Variants in STK32B observed in about 807,000 individuals in gnomAD.
The protein encoded by STK32B is serine/threonine kinase 32B.
Under a neutral mutation model 52.6 loss-of-function variants are expected in STK32B, and 43 were observed. That is an observed-to-expected ratio of 0.82 (90% CI 0.64 to 1.05). STK32B has a LOEUF of 1.05. Ranked by LOEUF, STK32B falls within the 50% of genes least tolerant of loss-of-function variation. The probability of loss-of-function intolerance (pLI) is 0.00; values close to 1 mark genes in which losing one functional copy is unlikely to be tolerated. For synonymous variants in STK32B, 238 were observed against 204.3 expected, an observed-to-expected ratio of 1.17 and a Z score of -1.41; for missense variants, 621 against 534.6, an observed-to-expected ratio of 1.16 and a Z score of -1.59.
intron 6 of STK32B, among the ~76,000 whole-genome samples, chr4:5,425,814 G>C (rs1222156437): frequency 1.3e-5 from 2 of 152,148 alleles, no homozygotes; most frequent in Admixed American, 6.5e-5. Context: ...CTGGCAACCA[G>C]CAATTGATTT....
chr4:5,396,882 C>G lies in STK32B; in HGVS notation c.435-1325C>G, dbSNP rs548635733. On this transcript the variant is annotated intron_variant, in intron 4 of 11. Transcript: ENST00000282908. This position sits in a 1 kb window ranked among gnomAD's most constrained non-coding sequence, Gnocchi z 4.7. ...GCCTTTTGTTTTAATTTTATAAGTT[C>G]TCAAGTTCATCCCTCCCATGTGGCT... Among the ~76,000 whole-genome samples the G allele has an allele frequency of 1.1e-4, 16 of 152,316 alleles. No homozygotes were observed. In the South Asian group the frequency reaches 1.4e-3, roughly 14 times the overall value.
At chr4:5,188,281 A>G (rs1014695279) in intron 3 of STK32B, among the ~76,000 whole-genome samples, 1 of 152,186 alleles carries the variant, frequency 6.6e-6, no homozygotes, top group Non-Finnish European at 1.5e-5. Context: ...TCACATCCCA[A>G]AGAGCCGCAG....
At position 5,398,421 on chromosome 4, in the gene STK32B, C is replaced by T. The variant is rs1480908268; in HGVS notation, c.472+177C>T. The stretch of plus-strand genomic sequence containing the variant: ...GTGTAAATTTCTGGTCCATGTCCTG[C>T]CGTGGTAAGTTGAATCAAAGTTATT... On this transcript the variant is annotated intron_variant, in intron 5 of 11. Coordinates refer to ENST00000282908, the MANE Select transcript of STK32B (RefSeq NM_018401.3). This position sits in a 1 kb window ranked among gnomAD's most constrained non-coding sequence, Gnocchi z 4.9. Among the ~76,000 whole-genome samples, 8 of 152,164 alleles carry T rather than the reference C, an allele frequency of 5.3e-5. No homozygotes were observed. Among genetic ancestry groups the T allele is most frequent in the Non-Finnish European group, 8.8e-5 (6 of 68,042 alleles).
At chr4:5,174,020 A>G (rs190997230) in intron 3 of STK32B, among the ~76,000 whole-genome samples, 3 of 152,038 alleles carry the variant, frequency 2.0e-5, no homozygotes, top group Admixed American at 2.0e-4. Flanking sequence ...TAGGGTAGTT[A>G]GTTCTTGTTG....
intron 3 of STK32B, among the ~76,000 whole-genome samples, chr4:5,203,691 TCTC>T (rs1722333385): frequency 6.6e-6 from 1 of 152,196 alleles, no homozygotes; most frequent in Non-Finnish European, 1.5e-5. Flanking sequence ...ACCTAGAAGT[TCTC>T]CTTCCTAATT....
the STK32B span, among the ~76,000 whole-genome samples, chr4:5,026,806 C>G: frequency 7.5e-4 from 115 of 152,330 alleles, no homozygotes; most frequent in African/African-American, 2.7e-3. Context: ...ATGGACATCA[C>G]CATTCTCAAA....
chr4:5,366,482 G>A (rs777566905), intron 4 of STK32B, among the ~76,000 whole-genome samples: 8 of 152,114 alleles, frequency 5.3e-5, no homozygotes, highest in Non-Finnish European at 4.4e-5. Context: ...ATTTTTTTCC[G>A]TTGCTGACAG....
intron 2 of STK32B, among the ~76,000 whole-genome samples, chr4:5,150,171 G>T (rs1332953672): frequency 6.6e-6 from 1 of 152,006 alleles, no homozygotes; most frequent in Non-Finnish European, 1.5e-5. Flanking sequence ...TTGACTTTTA[G>T]AAGTTTTCCT....
chr4:5,307,546 A>ATTT (rs769423490), intron 3 of STK32B, among the ~76,000 whole-genome samples: 8,542 of 130,874 alleles, frequency 0.065, 449 homozygotes, highest in African/African-American at 0.19. Flanking sequence ...CATATGCTCT[A>ATTT]TCTTTTTTTT....
chr4:5,493,035 A>ATTCTC (rs1719881063), intron 11 of STK32B, among the ~76,000 whole-genome samples: 1 of 151,372 alleles, frequency 6.6e-6, no homozygotes, highest in African/African-American at 2.5e-5. Context: ...TTGGTCTAAA[A>ATTCTC]TTCTCTTTTA....
chr4:5,079,881 T>A (rs551895977), intron 1 of STK32B, among the ~76,000 whole-genome samples: 1 of 152,228 alleles, frequency 6.6e-6, no homozygotes, highest in African/African-American at 2.4e-5. Context: ...AAATACTCCA[T>A]GATCTCACTT....
chr4:5,052,046 A>G (rs1741809560), intron 1 of STK32B, 131 bp downstream of exon 1: 3 of 1,379,056 alleles, frequency 2.2e-6, no homozygotes, highest in African/African-American at 1.5e-5. Flanking sequence ...CGCCCAGCGA[A>G]TGCAGTGTGT....
rs1273454408 is a variant in STK32B, at chr4:5,467,966, G to A, written c.1042-40G>A. On this transcript the variant is annotated intron_variant, in intron 10 of 11. Transcript: ENST00000282908. The surrounding 1 kb of genome is among the most constrained non-coding windows in gnomAD (Gnocchi z 5.8). ...CTCCATTACCGCGCGTCCCCGGACC[G>A]TGCTTTGTCATTTAGTCACCCCTCT... is the stretch of plus-strand genomic sequence containing the variant. The A allele has an allele frequency of 1.1e-5, 17 of 1,612,286 alleles. No homozygotes were observed. Among genetic ancestry groups the A allele is most frequent in the African/African-American group, 5.3e-5 (4 of 74,878 alleles).
intron 7 of STK32B, among the ~76,000 whole-genome samples, chr4:5,450,663 C>T (rs1303869338): frequency 6.6e-6 from 1 of 152,130 alleles, no homozygotes; most frequent in East Asian, 1.9e-4. Context: ...ATTCAGAATC[C>T]GTTTGTATTA....
Position 5,197,878 on chromosome 4 carries a change from A to G in STK32B, c.260+29428A>G, listed in dbSNP as rs573195253. ...GTTAATGACATTATTCAATTTATCAATAGTGAGCCATCCTGCCTGGAATAA... is the reference window on the plus strand; with the variant it reads ...GTTAATGACATTATTCAATTTATCAGTAGTGAGCCATCCTGCCTGGAATAA... On this transcript the variant is annotated intron_variant, in intron 3 of 11. Coordinates refer to ENST00000282908, the MANE Select transcript of STK32B (RefSeq NM_018401.3). Among the ~76,000 whole-genome samples, 8 of 152,330 alleles carry G rather than the reference A, an allele frequency of 5.3e-5. No homozygotes were observed. The South Asian group carries it at 1.2e-3, about 24-fold the overall frequency.
chr4:5,141,212 G>A (rs1359097902), intron 2 of STK32B, among the ~76,000 whole-genome samples: 1 of 152,216 alleles, frequency 6.6e-6, no homozygotes, highest in Non-Finnish European at 1.5e-5. Context: ...AGGTTATGAC[G>A]CATTTCCATA....
At chr4:5,333,181 T>A (rs575272064) in intron 4 of STK32B, among the ~76,000 whole-genome samples, 1 of 152,072 alleles carries the variant, frequency 6.6e-6, no homozygotes, top group Non-Finnish European at 1.5e-5. Flanking sequence ...TTTTAATGAT[T>A]GCCATTCTAA....
chr4:5,169,093 G>A (rs146127812), intron 3 of STK32B, among the ~76,000 whole-genome samples: 132 of 152,204 alleles, frequency 8.7e-4, no homozygotes, highest in African/African-American at 3.0e-3. Flanking sequence ...TGCATTCCTG[G>A]CACCCAGCTT....
At chr4:5,476,108 C>T (rs559550731) in intron 11 of STK32B, among the ~76,000 whole-genome samples, 3 of 152,188 alleles carry the variant, frequency 2.0e-5, no homozygotes, top group African/African-American at 7.2e-5. Context: ...CCACGTTGGC[C>T]AAGCTGGTCT....
Sources: allele counts gnomAD v4.1 joint callset (sites outside exome capture counted in the v4.1 genomes callset), GRCh38; gene constraint gnomAD v4.1.1; non-coding constraint Gnocchi (gnomAD v3.1); transcripts MANE v1.5; gene names NCBI Gene and HGNC (gene_info 2026-07-23, HGNC 2026-07-21).